DNAH5: variants seen among roughly 807,000 people sequenced by gnomAD.
DNAH5 encodes axonemal beta dynein heavy chain 5.
In DNAH5, 372 loss-of-function variants were observed where a neutral mutation model predicts 518.2. The ratio of observed to expected loss-of-function variants is 0.72; its 90% CI spans 0.66 to 0.78. The LOEUF is 0.78. Ranked by LOEUF, DNAH5 falls within the 30% of genes least tolerant of loss-of-function variation. The probability of loss-of-function intolerance (pLI) is 0.00; values close to 1 mark genes in which losing one functional copy is unlikely to be tolerated. For missense variants in DNAH5, 5,523 were observed against 5,687.0 expected, an observed-to-expected ratio of 0.97 and a Z score of 0.93; for synonymous variants, 2,039 against 2,025.9, an observed-to-expected ratio of 1.01 and a Z score of -0.17.
chr5:13,931,213 C>G lies in DNAH5; in HGVS notation c.89G>C (p.Arg30Pro). ...QRLKGEKEAK[R>P]ALLDARHNYL... Reference sequence around the variant, plus strand: ...GTTATGCCTCGCATCCAAAAGAGCCCGCTTGGCTTCCTTCTCTCCCTTCAG... The same window carrying G: ...GTTATGCCTCGCATCCAAAAGAGCCGGCTTGGCTTCCTTCTCTCCCTTCAG... The change falls in exon 2 of 79, where the codon CGG becomes CCG. Residue 30 changes from arginine (R) to proline (P), a missense_variant. Around this residue, in one of 3 missense-constraint regions of DNAH5, gnomAD observed 5,121 missense variants for 5,223.3 expected, o/e 0.98. Coordinates refer to ENST00000265104, the MANE Select transcript of DNAH5 (RefSeq NM_001369.3). 1 of 1,614,078 alleles carries G rather than the reference C, an allele frequency of 6.2e-7. No homozygotes were observed. Among genetic ancestry groups the G allele is most frequent in the Non-Finnish European group, 8.5e-7 (1 of 1,179,954 alleles).
At chr5:13,934,464 G>C (rs962339132) in intron 1 of DNAH5, among the ~76,000 whole-genome samples, 3 of 152,144 alleles carry the variant, frequency 2.0e-5, no homozygotes, top group Non-Finnish European at 4.4e-5. Context: ...AATTTTGTTA[G>C]AATAATTTCA....
chr5:13,841,480 A>G (rs995193973), intron 33 of DNAH5, among the ~76,000 whole-genome samples: 6 of 152,236 alleles, frequency 3.9e-5, no homozygotes, highest in Non-Finnish European at 7.3e-5. Context: ...AAATATATCT[A>G]TAACCCAAAT....
At chr5:13,964,796 A>C (rs1009283928) in intron 1 of DNAH5, among the ~76,000 whole-genome samples, 3 of 152,264 alleles carry the variant, frequency 2.0e-5, no homozygotes, top group African/African-American at 7.2e-5. Context: ...TATCTGAAGT[A>C]GGATCAGGAA....
At position 13,979,845 on chromosome 5, in the gene DNAH5, T is replaced by G. The variant is rs540691890; in HGVS notation, c.12+31803A>C. On this transcript the variant is annotated intron_variant, in intron 1 of 78. Transcript: ENST00000681290. ...GCATTTGGCAAAGTTTTTTGGGGTT[T>G]TTTTTTTTTTTTTGAGATGGAGTCT... Among the ~76,000 whole-genome samples, 11 of 150,706 alleles carry G rather than the reference T, an allele frequency of 7.3e-5. No individual in the cohort carries two copies. In the East Asian group the frequency reaches 2.1e-3, roughly 29 times the overall value.
upstream of DNAH5, among the ~76,000 whole-genome samples, chr5:13,945,272 A>T (rs1302085499): frequency 6.6e-6 from 1 of 152,266 alleles, no homozygotes; most frequent in Non-Finnish European, 1.5e-5. Flanking sequence ...CGAGTTGAAT[A>T]AAAGGCAGGA....
chr5:13,923,666 T>G (rs757880029), intron 3 of DNAH5, among the ~76,000 whole-genome samples: 1 of 152,116 alleles, frequency 6.6e-6, no homozygotes, highest in Admixed American at 6.5e-5. Context: ...TCAGGGGCAG[T>G]GAAAAGAGGG....
intron 65 of DNAH5, among the ~76,000 whole-genome samples, chr5:13,747,991 C>T (rs1002097333): frequency 6.6e-6 from 1 of 152,136 alleles, no homozygotes; most frequent in African/African-American, 2.4e-5. Context: ...AGGTTTTCTT[C>T]TAGGGTTTTT....
chr5:13,953,560 C>T (rs1214664337), intron 1 of DNAH5, among the ~76,000 whole-genome samples: 1 of 152,108 alleles, frequency 6.6e-6, no homozygotes, highest in African/African-American at 2.4e-5. Context: ...ACATAAAGAA[C>T]AAGATAAGGC....
At chr5:13,804,422 A>G (rs1001356006) in intron 47 of DNAH5, among the ~76,000 whole-genome samples, 3 of 152,200 alleles carry the variant, frequency 2.0e-5, no homozygotes, top group African/African-American at 7.2e-5. Flanking sequence ...CTCATCTACA[A>G]TTTCAGTTTG....
At chr5:13,936,466 T>C (rs1778930582) in intron 1 of DNAH5, among the ~76,000 whole-genome samples, 1 of 135,646 alleles carries the variant, frequency 7.4e-6, no homozygotes. Context: ...CAAGTCTGCA[T>C]GCTTATATAC....
At chr5:13,809,982 T>G (rs147519526) in intron 45 of DNAH5, 77 bp downstream of exon 45, 12 of 1,350,528 alleles carry the variant, frequency 8.9e-6, no homozygotes, top group South Asian at 1.3e-5. Flanking sequence ...TTAGAAAAAA[T>G]ATATATGGTG....
intron 35 of DNAH5, among the ~76,000 whole-genome samples, chr5:13,837,560 C>CAA (rs35339556): frequency 6.9e-6 from 1 of 144,676 alleles, no homozygotes; most frequent in African/African-American, 2.5e-5. Flanking sequence ...TCTATCTTCT[C>CAA]AAAAAAAAAA....
At position 13,718,511 on chromosome 5, in the gene DNAH5, G is replaced by A. The variant is rs200742779; in HGVS notation, c.12499+371C>T. 3.9e-5 allele frequency among the ~76,000 whole-genome samples: 6 copies of A among 152,310 alleles called. No individual in the cohort carries two copies. The East Asian group carries it at 1.2e-3, about 29-fold the overall frequency. On this transcript the variant is annotated intron_variant, in intron 72 of 78. Coordinates refer to ENST00000265104, the MANE Select transcript of DNAH5 (RefSeq NM_001369.3). ...CTTCTGACATATGGCCCTAATGAAAGGCAGGCAGGCATGACTTTAATTCAG... is the reference window on the plus strand; with the variant it reads ...CTTCTGACATATGGCCCTAATGAAAAGCAGGCAGGCATGACTTTAATTCAG...
chr5:13,763,000 A>G (rs1751995121), intron 59 of DNAH5, 99 bp from the exon 60 acceptor site: 14 of 1,007,838 alleles, frequency 1.4e-5, no homozygotes, highest in Non-Finnish European at 2.0e-5. Flanking sequence ...GAACGACCAC[A>G]AATGAATGAA....
chr5:13,909,879 C>A (rs1178961025), intron 12 of DNAH5, among the ~76,000 whole-genome samples: 1 of 152,158 alleles, frequency 6.6e-6, no homozygotes, highest in African/African-American at 2.4e-5. Flanking sequence ...TGCTGTATAG[C>A]AAACGTTTGT....
chr5:13,925,134 C>T (rs907283946), intron 3 of DNAH5, among the ~76,000 whole-genome samples: 3 of 152,154 alleles, frequency 2.0e-5, no homozygotes, highest in African/African-American at 7.2e-5. Flanking sequence ...TTAAAGGTAA[C>T]TAGAAGATCA....
intron 46 of DNAH5, among the ~76,000 whole-genome samples, 175 bp downstream of exon 46, chr5:13,808,869 A>G (rs954527820): frequency 1.3e-5 from 2 of 152,172 alleles, no homozygotes; most frequent in Non-Finnish European, 2.9e-5. Flanking sequence ...CTGAGGCAGG[A>G]GAATGGCGTG....
At chr5:13,912,973 T>C (rs1161795906) in intron 11 of DNAH5, among the ~76,000 whole-genome samples, 1 of 151,998 alleles carries the variant, frequency 6.6e-6, no homozygotes, top group Non-Finnish European at 1.5e-5. Flanking sequence ...AAACTTGGTA[T>C]ACTCAGGAAA....
At chr5:13,904,187 G>A (rs1414318191) in intron 12 of DNAH5, among the ~76,000 whole-genome samples, 1 of 150,796 alleles carries the variant, frequency 6.6e-6, no homozygotes, top group Non-Finnish European at 1.5e-5. Context: ...ATATAAAAAG[G>A]AAAAAGTCAA....
Sources: allele counts gnomAD v4.1 joint callset (sites outside exome capture counted in the v4.1 genomes callset), GRCh38; gene constraint gnomAD v4.1.1; regional missense constraint gnomAD v4.1.1; transcripts MANE v1.5; gene names NCBI Gene and HGNC (gene_info 2026-07-23, HGNC 2026-07-21).